Variants in ERBB4 observed in about 807,000 individuals in gnomAD.
The protein encoded by ERBB4 is erb-b2 receptor tyrosine kinase 4, also known as receptor tyrosine-protein kinase erbB-4.
Under a neutral mutation model 158.0 loss-of-function variants are expected in ERBB4, and 42 were observed. The ratio of observed to expected loss-of-function variants is 0.27; its 90% CI spans 0.21 to 0.34. The LOEUF is 0.34. Among genes scored for constraint, ERBB4 ranks in the 10% least tolerant of loss-of-function variants. The pLI is 1.00. For synonymous variants in ERBB4, 583 were observed against 558.7 expected (o/e 1.04, Z -0.61); for missense variants, 1,333 against 1,624.1 (o/e 0.82, Z 3.08).
chr2:212,072,386 G>A (rs189813328), intron 2 of ERBB4, among the ~76,000 whole-genome samples: 95 of 152,004 alleles, frequency 6.2e-4, no homozygotes, highest in Admixed American at 4.7e-3. Flanking sequence ...ATAGTTTTCC[G>A]TATTCGAATG....
At chr2:212,117,912 T>C (rs1381402471) in intron 2 of ERBB4, among the ~76,000 whole-genome samples, 1 of 152,184 alleles carries the variant, frequency 6.6e-6, no homozygotes, top group African/African-American at 2.4e-5. Context: ...TAGCTAGTAT[T>C]TGAACAAACT....
At chr2:212,425,201 A>C (rs1250749698) in intron 1 of ERBB4, among the ~76,000 whole-genome samples, 2 of 151,070 alleles carry the variant, frequency 1.3e-5, no homozygotes, top group Admixed American at 6.6e-5. Context: ...ATCAAATTTT[A>C]ATAAACTTTA....
At chr2:211,773,551 A>C (rs1296446940) in intron 4 of ERBB4, among the ~76,000 whole-genome samples, 1 of 138,890 alleles carries the variant, frequency 7.2e-6, no homozygotes, top group African/African-American at 2.6e-5. Flanking sequence ...TCCAAGGAAT[A>C]AATACTCTGT....
chr2:211,708,609 T>A (rs1378483628), intron 9 of ERBB4, among the ~76,000 whole-genome samples: 1 of 134,438 alleles, frequency 7.4e-6, no homozygotes, highest in African/African-American at 2.8e-5. Context: ...TCTGTTTCCA[T>A]CCTTCTCTCT....
At chr2:212,303,553 G>A (rs1274955690) in intron 1 of ERBB4, among the ~76,000 whole-genome samples, 2 of 151,280 alleles carry the variant, frequency 1.3e-5, no homozygotes, top group African/African-American at 2.4e-5. Flanking sequence ...GTAGTCTTAT[G>A]GAAGTCTTCC....
intron 20 of ERBB4, among the ~76,000 whole-genome samples, chr2:211,479,833 G>A (rs1010772923): frequency 6.6e-6 from 1 of 152,036 alleles, no homozygotes; most frequent in African/African-American, 2.4e-5. Context: ...ATTACAATAT[G>A]TTATATATGA....
At chr2:212,019,653 C>G (rs1423820434) in intron 2 of ERBB4, among the ~76,000 whole-genome samples, 2 of 149,312 alleles carry the variant, frequency 1.3e-5, no homozygotes, top group Non-Finnish European at 3.0e-5. Context: ...ATCCCAGCTA[C>G]TTAGGTGGCT....
chr2:212,491,593 A>G (rs1690281789), intron 1 of ERBB4, among the ~76,000 whole-genome samples: 1 of 151,556 alleles, frequency 6.6e-6, no homozygotes, highest in Non-Finnish European at 1.5e-5. Flanking sequence ...GAACATTTAA[A>G]TTTCTCTACA....
intron 5 of ERBB4, among the ~76,000 whole-genome samples, chr2:211,726,567 C>T (rs1027462288): frequency 1.1e-4 from 17 of 152,134 alleles, no homozygotes; most frequent in African/African-American, 3.9e-4. Context: ...ATCATCACTT[C>T]TCCTACCTAA....
chr2:212,298,419 G>T (rs2086497078), intron 1 of ERBB4, among the ~76,000 whole-genome samples: 1 of 151,570 alleles, frequency 6.6e-6, no homozygotes, highest in Admixed American at 6.6e-5. Flanking sequence ...CTATGGCTAT[G>T]AAAATTTTTC....
intron 1 of ERBB4, among the ~76,000 whole-genome samples, chr2:212,463,717 CTAAT>C (rs1688690212): frequency 6.6e-6 from 1 of 152,038 alleles, no homozygotes; most frequent in Non-Finnish European, 1.5e-5. Flanking sequence ...GAGGCACAAA[CTAAT>C]TATTTTGTGT....
intron 5 of ERBB4, among the ~76,000 whole-genome samples, chr2:211,731,761 A>T (rs1363070683): frequency 2.0e-5 from 3 of 152,182 alleles, no homozygotes; most frequent in Non-Finnish European, 4.4e-5. Context: ...TTAAAGTGAA[A>T]CAAATAAAGC....
At chr2:211,710,794 T>G (rs904375144) in intron 9 of ERBB4, among the ~76,000 whole-genome samples, 2 of 152,068 alleles carry the variant, frequency 1.3e-5, no homozygotes, top group African/African-American at 4.8e-5. Context: ...CCTGCCACCA[T>G]GTAAGACATG....
intron 2 of ERBB4, among the ~76,000 whole-genome samples, chr2:211,955,532 T>C (rs559597698): frequency 6.6e-6 from 1 of 152,192 alleles, no homozygotes; most frequent in South Asian, 2.1e-4. Context: ...TTAAATTAAA[T>C]TGGCCCAAAG....
intron 1 of ERBB4, among the ~76,000 whole-genome samples, chr2:212,335,387 T>C (rs1011404442): frequency 5.9e-5 from 9 of 151,966 alleles, no homozygotes; most frequent in South Asian, 2.1e-4. Context: ...TACAATATGA[T>C]ATGGAATACA....
At chr2:212,435,192 G>C (rs1008174297) in intron 1 of ERBB4, among the ~76,000 whole-genome samples, 1 of 151,910 alleles carries the variant, frequency 6.6e-6, no homozygotes, top group Non-Finnish European at 1.5e-5. Flanking sequence ...TATTCCTTCT[G>C]GTGCCCTCCT....
intron 1 of ERBB4, among the ~76,000 whole-genome samples, chr2:212,356,880 T>G (rs1296579139): frequency 6.6e-6 from 1 of 151,950 alleles, no homozygotes; most frequent in Non-Finnish European, 1.5e-5. Context: ...TAGAAACTTA[T>G]ACATAGAAAC....
At chr2:211,709,250 TAC>T (rs72438406) in intron 9 of ERBB4, among the ~76,000 whole-genome samples, 37 of 124,298 alleles carry the variant, frequency 3.0e-4, no homozygotes, top group African/African-American at 1.0e-3. Context: ...TATATATATA[TAC>T]ACATATATAT....
intron 1 of ERBB4, among the ~76,000 whole-genome samples, chr2:212,343,738 A>G (rs2088836960): frequency 6.6e-6 from 1 of 152,234 alleles, no homozygotes; most frequent in South Asian, 2.1e-4. Context: ...ATACTGAAAT[A>G]GTACCTAACC....
Sources: gnomAD v4.1 joint callset for allele counts (sites outside exome capture counted in the v4.1 genomes callset) on GRCh38, gnomAD v4.1.1 for gene constraint, MANE v1.5 for transcripts, NCBI Gene and HGNC (gene_info 2026-07-23, HGNC 2026-07-21) for gene names.